The following PAXIP1 variants were observed in gnomAD, a reference collection of about 807,000 sequenced individuals.
The protein encoded by PAXIP1 is PAX-interacting protein 1.
In PAXIP1, 19 loss-of-function variants were observed where a neutral mutation model predicts 140.6. The ratio of observed to expected loss-of-function variants is 0.14; its 90% CI spans 0.09 to 0.20. PAXIP1 has a LOEUF of 0.20. Ranked by LOEUF, PAXIP1 falls within the 10% of genes least tolerant of loss-of-function variation. The probability of loss-of-function intolerance (pLI) is 1.00; values close to 1 mark genes in which losing one functional copy is unlikely to be tolerated. For missense variants in PAXIP1, 920 were observed against 1,208.6 expected (o/e 0.76, Z 3.54); for synonymous variants, 442 against 444.6 (o/e 0.99, Z 0.07).
chr7:154,945,761 G>A (rs2150735162), intron 20 of PAXIP1: 1 of 985,154 alleles, frequency 1.0e-6, no homozygotes, highest in East Asian at 1.1e-4. Flanking sequence ...TTCACTGATA[G>A]GCTGTTCCTA....
chr7:154,946,259 A>G lies in PAXIP1; in HGVS notation c.3194+106T>C. On this transcript the variant is annotated intron_variant, in intron 20 of 20. Coordinates refer to ENST00000404141, the MANE Select transcript of PAXIP1 (RefSeq NM_007349.4). This position sits in a 1 kb window ranked among gnomAD's most constrained non-coding sequence, Gnocchi z 4.9. The stretch of plus-strand genomic sequence containing the variant: ...CACTGCATAAATCACAATAGCAAAG[A>G]AAGGAAAAATGGCTTGCAAAACAGG... 1 of 1,569,018 alleles carries G rather than the reference A, an allele frequency of 6.4e-7. No individual in the cohort carries two copies. The highest frequency in any genetic ancestry group is 8.6e-7 in the Non-Finnish European group (1 of 1,158,146).
chr7:154,997,262 G>C (rs577896575), intron 2 of PAXIP1, among the ~76,000 whole-genome samples: 1 of 152,182 alleles, frequency 6.6e-6, no homozygotes, highest in Non-Finnish European at 1.5e-5. Flanking sequence ...TTGTTTAAGA[G>C]ATGGTGTCTC....
At chr7:155,002,349 G>A (rs1029200085) in intron 1 of PAXIP1, among the ~76,000 whole-genome samples, 19 of 152,250 alleles carry the variant, frequency 1.2e-4, no homozygotes, top group Non-Finnish European at 1.5e-5. Context: ...CCCGGGTGGC[G>A]GAGGCGGCCA....
intron 8 of PAXIP1, chr7:154,965,787 T>G (rs1808984092): frequency 6.6e-6 from 1 of 152,316 alleles, no homozygotes; most frequent in African/African-American, 2.4e-5. Flanking sequence ...AACACCAGGC[T>G]ATTAGTAATT....
intron 3 of PAXIP1, among the ~76,000 whole-genome samples, chr7:154,993,007 T>A (rs1356318942): frequency 6.6e-6 from 1 of 152,218 alleles, no homozygotes; most frequent in African/African-American, 2.4e-5. Flanking sequence ...TTTTAGCAAC[T>A]GTATGGTATC....
chr7:154,945,861 A>G, intron 20 of PAXIP1: 1 of 985,296 alleles, frequency 1.0e-6, no homozygotes, highest in Non-Finnish European at 1.2e-6. Flanking sequence ...AAATAGAAAA[A>G]AGCCTAGGTG....
At chr7:154,945,249 G>A (rs1397096770) in intron 20 of PAXIP1, 1 of 152,372 alleles carries the variant, frequency 6.6e-6, no homozygotes, top group African/African-American at 2.4e-5. Context: ...CTCCCGTGCT[G>A]GGATTATAGG....
intron 7 of PAXIP1, 97 bp from the exon 8 acceptor site, chr7:154,968,007 GT>G: frequency 1.4e-6 from 1 of 737,918 alleles, no homozygotes; most frequent in Non-Finnish European, 2.3e-6. Context: ...AATCTGTTAT[GT>G]TTATCAGTCT....
intron 16 of PAXIP1, among the ~76,000 whole-genome samples, chr7:154,953,539 G>C (rs1808374761): frequency 6.6e-6 from 1 of 152,112 alleles, no homozygotes. Flanking sequence ...GACACAGCTG[G>C]GGAAGCTGAG....
At chr7:154,969,595 C>G (rs1479949525) in intron 6 of PAXIP1, among the ~76,000 whole-genome samples, 1 of 152,254 alleles carries the variant, frequency 6.6e-6, no homozygotes, top group Non-Finnish European at 1.5e-5. Flanking sequence ...TAATCGGGCT[C>G]AGCCTCACCT....
chr7:154,971,100 T>A (rs1809295570), intron 6 of PAXIP1, among the ~76,000 whole-genome samples: 1 of 152,176 alleles, frequency 6.6e-6, no homozygotes, highest in Non-Finnish European at 1.5e-5. Flanking sequence ...AGGCTCCTAT[T>A]TTTCAGATTG....
In PAXIP1 at chr7:154,963,569, AG is replaced by A. The variant is rs1475971762; in HGVS notation, c.1989+101del. 2 of 742,828 alleles carry A rather than the reference AG, an allele frequency of 2.7e-6. No individual in the cohort carries two copies. The highest frequency in any genetic ancestry group is 4.6e-6 in the Non-Finnish European group (2 of 432,450). 46.0% of individuals were successfully genotyped at this position (742,828 alleles called of 1,614,324 possible). A position where few individuals can be genotyped will look rare whatever the true frequency, so the allele number is the denominator to read the frequency against. ...AAGGAATTTTCCTATCTTTAGAGGT[AG>A]AAAAAAGTTCTTTCCAAAAATAATA... is the stretch of plus-strand genomic sequence containing the variant. On this transcript the variant is annotated intron_variant, in intron 9 of 20. Transcript: ENST00000404141. This position sits in a 1 kb window ranked among gnomAD's most constrained non-coding sequence, Gnocchi z 4.1.
intron 7 of PAXIP1, among the ~76,000 whole-genome samples, 154 bp downstream of exon 7, chr7:154,968,248 TG>T (rs1809112510): frequency 6.6e-6 from 1 of 152,196 alleles, no homozygotes; most frequent in Non-Finnish European, 1.5e-5. Flanking sequence ...AATTATCCCA[TG>T]GTAACTATAT....
chr7:154,968,002 G>A, intron 7 of PAXIP1, 92 bp from the exon 8 acceptor site: 2 of 764,132 alleles, frequency 2.6e-6, no homozygotes, highest in Non-Finnish European at 4.3e-6. Context: ...ATGTCAATCT[G>A]TTATGTTTAT....
chr7:154,970,316 T>C (rs1365139282), intron 6 of PAXIP1, among the ~76,000 whole-genome samples: 2 of 152,242 alleles, frequency 1.3e-5, no homozygotes, highest in Non-Finnish European at 2.9e-5. Context: ...TATTCTAACA[T>C]GTATCTTTCA....
chr7:154,945,012 A>C (rs1366936232), intron 20 of PAXIP1: 2 of 138,360 alleles, frequency 1.4e-5, no homozygotes, highest in African/African-American at 5.4e-5. Context: ...TTAAAGACAG[A>C]GTTTCGCTCT....
At chr7:154,995,974 T>G (rs1408700578) in intron 2 of PAXIP1, among the ~76,000 whole-genome samples, 1 of 152,224 alleles carries the variant, frequency 6.6e-6, no homozygotes, top group Non-Finnish European at 1.5e-5. Flanking sequence ...AAGCAAGTTT[T>G]AAACATTTAT....
At chr7:155,002,667 C>T (rs1212862970) in intron 1 of PAXIP1, among the ~76,000 whole-genome samples, 182 bp downstream of exon 1, 1 of 151,386 alleles carries the variant, frequency 6.6e-6, no homozygotes, top group Non-Finnish European at 1.5e-5. Context: ...CCCCCGGGCC[C>T]GGGCCTCCCG....
intron 13 of PAXIP1, among the ~76,000 whole-genome samples, chr7:154,958,655 G>A (rs1808633295): frequency 6.6e-6 from 1 of 152,156 alleles, no homozygotes; most frequent in Admixed American, 6.5e-5. Context: ...ACCAAGAATA[G>A]AAACAAATGG....
Sources: gnomAD v4.1 joint callset for allele counts (sites outside exome capture counted in the v4.1 genomes callset) on GRCh38, gnomAD v4.1.1 for gene constraint, Gnocchi (gnomAD v3.1) non-coding constraint, MANE v1.5 for transcripts, NCBI Gene and HGNC (gene_info 2026-07-23, HGNC 2026-07-21) for gene names.